Variants in CYP2C19 observed in about 807,000 individuals in gnomAD.
The protein encoded by CYP2C19 is cytochrome P450 family 2 subfamily C member 19, also known as cytochrome P450 2C19.
CYP2C19 carries 59 observed loss-of-function variants against 40.9 expected under a neutral mutation model. The ratio of observed to expected loss-of-function variants is 1.44; its 90% confidence interval spans 1.17 to 1.79. The LOEUF is 1.79. Among genes scored for constraint, CYP2C19 ranks in the 40% most tolerant of loss-of-function variants. CYP2C19 has a pLI of 0.00. For missense variants in CYP2C19, 754 were observed against 596.9 expected (o/e 1.26, Z -2.74); for synonymous variants, 253 against 208.7 (o/e 1.21, Z -1.83).
intron 7 of CYP2C19, among the ~76,000 whole-genome samples, chr10:94,846,958 A>G (rs1472409888): frequency 6.6e-6 from 1 of 152,204 alleles, no homozygotes; most frequent in Non-Finnish European, 1.5e-5. Flanking sequence ...ACTTGTTACC[A>G]TTCTAGAAGA....
intron 5 of CYP2C19, among the ~76,000 whole-genome samples, chr10:94,813,537 G>A (rs1281227000): frequency 1.3e-5 from 2 of 151,936 alleles, no homozygotes; most frequent in African/African-American, 4.8e-5. Context: ...GAGCTGAAGT[G>A]GACTCCACCT....
At chr10:94,766,752 T>C (rs559426277) in intron 1 of CYP2C19, among the ~76,000 whole-genome samples, 1 of 152,228 alleles carries the variant, frequency 6.6e-6, no homozygotes, top group East Asian at 1.9e-4. Context: ...CTGGCTGATC[T>C]TGGGACTCCT....
rs570499747 is a variant in CYP2C19 at position 94,775,955 on chromosome 10, C to T, written c.481+416C>T. 1.9e-5 allele frequency: 4 copies of T among 214,766 alleles called. No homozygotes were observed. In the East Asian group the frequency reaches 3.4e-4, roughly 19 times the overall value. 13.3% of individuals were successfully genotyped at this position (214,766 alleles called of 1,614,324 possible). A position where few individuals can be genotyped will look rare whatever the true frequency, so the allele number is the denominator to read the frequency against. On this transcript the variant is annotated intron_variant, in intron 3 of 8. Transcript: ENST00000371321. The stretch of plus-strand genomic sequence containing the variant: ...TATCACACCCCTAGGGAGCATGAAC[C>T]AAATGGCATGTGCTTTTATTTAATT...
At chr10:94,821,146 G>A (rs1340133300) in intron 6 of CYP2C19, among the ~76,000 whole-genome samples, 1 of 152,138 alleles carries the variant, frequency 6.6e-6, no homozygotes, top group South Asian at 2.1e-4. Flanking sequence ...AGTAGAGGAA[G>A]ATAACTGAGA....
chr10:94,775,844 A>C (rs1848400795), intron 3 of CYP2C19: 9 of 445,890 alleles, frequency 2.0e-5, no homozygotes, highest in Non-Finnish European at 3.7e-5. Context: ...TTTTTGAAAG[A>C]GTTAAAGAGC....
At chr10:94,810,226 A>G (rs954118427) in intron 5 of CYP2C19, among the ~76,000 whole-genome samples, 2 of 152,174 alleles carry the variant, frequency 1.3e-5, no homozygotes, top group African/African-American at 4.8e-5. Context: ...CATCCCAGGG[A>G]TGAAGCCAAC....
intron 5 of CYP2C19, among the ~76,000 whole-genome samples, chr10:94,805,391 T>G (rs1848818419): frequency 6.6e-6 from 1 of 152,202 alleles, no homozygotes; most frequent in Non-Finnish European, 1.5e-5. Flanking sequence ...CTGGGATAAA[T>G]CTAACTTGTT....
chr10:94,780,928 G>C (rs1018490369), intron 4 of CYP2C19, among the ~76,000 whole-genome samples: 58 of 152,144 alleles, frequency 3.8e-4, no homozygotes, highest in African/African-American at 1.3e-3. Context: ...TTTCTATAAA[G>C]TACTTTGGTG....
At chr10:94,787,911 T>C (rs1410542500) in intron 5 of CYP2C19, among the ~76,000 whole-genome samples, 1 of 152,146 alleles carries the variant, frequency 6.6e-6, no homozygotes, top group African/African-American at 2.4e-5. Flanking sequence ...AAAAATGACA[T>C]TGGTAGTTTG....
chr10:94,850,161 G>A (rs1017136763), intron 8 of CYP2C19, 103 bp downstream of exon 8: 4 of 1,349,794 alleles, frequency 3.0e-6, no homozygotes, highest in East Asian at 2.3e-5. Flanking sequence ...GTTACTCTTT[G>A]TACATGATCA....
At chr10:94,846,874 C>T (rs1457992546) in intron 7 of CYP2C19, among the ~76,000 whole-genome samples, 6 of 151,502 alleles carry the variant, frequency 4.0e-5, no homozygotes, top group Non-Finnish European at 8.8e-5. Context: ...GAATATCTCT[C>T]CCGTATCTTT....
chr10:94,778,095 C>T (rs1774095421), intron 3 of CYP2C19, among the ~76,000 whole-genome samples: 1 of 152,074 alleles, frequency 6.6e-6, no homozygotes, highest in South Asian at 2.1e-4. Flanking sequence ...AGTGTAGCCT[C>T]GAGAAGCTGG....
intron 1 of CYP2C19, chr10:94,774,538 G>C (rs1037184223): frequency 6.1e-6 from 1 of 163,026 alleles, no homozygotes. Context: ...GGGAGTTCTA[G>C]GTGGATTCCA....
intron 8 of CYP2C19, among the ~76,000 whole-genome samples, chr10:94,852,250 A>G (rs983170699): frequency 1.3e-5 from 2 of 152,166 alleles, no homozygotes; most frequent in African/African-American, 4.8e-5. Context: ...TGAGGGGGTA[A>G]CATGTTTAGA....
chr10:94,792,382 T>C (rs1009798780), intron 5 of CYP2C19, among the ~76,000 whole-genome samples: 1 of 152,162 alleles, frequency 6.6e-6, no homozygotes, highest in African/African-American at 2.4e-5. Context: ...TTCTGTGAAT[T>C]TGATCCTGTC....
rs749678783 is a variant in CYP2C19, at chr10:94,781,942, T to C, written c.764T>C (p.Met255Thr). 2 of 1,513,900 alleles carry C rather than the reference T, an allele frequency of 1.3e-6. No individual in the cohort carries two copies. The highest frequency in any genetic ancestry group is 1.8e-6 in the Non-Finnish European group (2 of 1,142,428). The allele number at this position is 1,513,900 out of a possible 1,614,324, so 93.8% of individuals were successfully genotyped here. A position where few individuals can be genotyped will look rare whatever the true frequency, so the allele number is the denominator to read the frequency against. The change falls in exon 5 of 9, where the codon ATG becomes ACG. Residue 255 changes from methionine (M) to threonine (T), a missense_variant. By Grantham distance (81) the Met-to-Thr change is moderately conservative. Transcript: ENST00000371321. ...AAAGTAAAAGAACACCAAGAATCGA[T>C]GGACATCAACAACCCTCGGGACTTT... ...LEKVKEHQES[M>T]DINNPRDFID...
At chr10:94,800,450 G>A (rs1159402284) in intron 5 of CYP2C19, among the ~76,000 whole-genome samples, 1 of 152,224 alleles carries the variant, frequency 6.6e-6, no homozygotes, top group African/African-American at 2.4e-5. Context: ...CCTACTGGGA[G>A]TTGTCTCCCA....
intron 5 of CYP2C19, among the ~76,000 whole-genome samples, chr10:94,793,390 T>G (rs1848637845): frequency 6.6e-6 from 1 of 152,194 alleles, no homozygotes; most frequent in African/African-American, 2.4e-5. Context: ...TCCAGCTATC[T>G]TCTGTTGCTG....
intron 7 of CYP2C19, 86 bp downstream of exon 7, chr10:94,843,110 G>C: frequency 6.6e-7 from 1 of 1,506,356 alleles, no homozygotes; most frequent in Non-Finnish European, 9.2e-7. Context: ...CCATCACTGG[G>C]TGAGAGAAGT....
Sources: allele counts gnomAD v4.1 joint callset (sites outside exome capture counted in the v4.1 genomes callset), GRCh38; gene constraint gnomAD v4.1.1; transcripts MANE v1.5; gene names NCBI Gene and HGNC (gene_info 2026-07-23, HGNC 2026-07-21).